VAV1: variants seen among roughly 807,000 people sequenced by gnomAD.
The protein encoded by VAV1 is vav guanine nucleotide exchange factor 1, also known as proto-oncogene vav.
Under a neutral mutation model 128.1 loss-of-function variants are expected in VAV1, and 33 were observed. The observed-to-expected ratio is 0.26, with a 90% CI of 0.20 to 0.34. VAV1 has a LOEUF of 0.34. Ranked by LOEUF, VAV1 falls within the 10% of genes least tolerant of loss-of-function variation. The probability of loss-of-function intolerance (pLI) is 1.00; values close to 1 mark genes in which losing one functional copy is unlikely to be tolerated. For missense variants in VAV1, 715 were observed against 1,093.7 expected (o/e 0.65, Z 4.88); for synonymous variants, 394 against 409.8 (o/e 0.96, Z 0.47).
chr19:6,821,922 G>T lies in VAV1; in HGVS notation c.449+63G>T, dbSNP rs547497960. The T allele has an allele frequency of 2.8e-5, 44 of 1,596,226 alleles. No individual in the cohort carries two copies. The African/African-American group carries it at 4.2e-4, about 15-fold the overall frequency. On this transcript the variant is annotated intron_variant, in intron 4 of 26. Transcript: ENST00000602142. ...GCACCGTCCTGGGGGTGGAGGGTGT[G>T]GGGGGACATGGCCTTGCCCTCCGGG...
At chr19:6,821,507 T>G in intron 2 of VAV1, 115 bp from the exon 3 acceptor site, 1 of 1,243,480 alleles carries the variant, frequency 8.0e-7, no homozygotes, top group Non-Finnish European at 1.2e-6. Context: ...AATCCTGAAT[T>G]AGGCTTCCAA....
At chr19:6,849,612 C>T (rs1279440964) in intron 23 of VAV1, among the ~76,000 whole-genome samples, 8 of 152,096 alleles carry the variant, frequency 5.3e-5, no homozygotes, top group Admixed American at 4.6e-4. Context: ...TGTGCCTGGC[C>T]AATATTATTC....
intron 1 of VAV1, among the ~76,000 whole-genome samples, chr19:6,800,690 C>T (rs918268245): frequency 3.3e-5 from 5 of 151,820 alleles, no homozygotes; most frequent in African/African-American, 4.8e-5. Flanking sequence ...GGCGTGATCT[C>T]GGCTCACTGC....
chr19:6,779,850 A>G lies in VAV1; in HGVS notation c.204+6839A>G, dbSNP rs552776543. 4.2e-5 allele frequency among the ~76,000 whole-genome samples: 6 copies of G among 144,402 alleles called. No homozygotes were observed. In the South Asian group the frequency reaches 6.8e-4, roughly 16 times the overall value. The allele number at this position is 144,402 out of a possible 152,430, so 94.7% of individuals were successfully genotyped here. On this transcript the variant is annotated intron_variant, in intron 1 of 26. Coordinates refer to ENST00000602142, the MANE Select transcript of VAV1 (RefSeq NM_005428.4). ...TAAAAGGCCGGGCACGGTGACTCACACCTGTAATTCCAGCACTTTGGGAGG... is the reference window on the plus strand; with the variant it reads ...TAAAAGGCCGGGCACGGTGACTCACGCCTGTAATTCCAGCACTTTGGGAGG...
At position 6,828,294 on chromosome 19, in the gene VAV1, C is replaced by A; in HGVS notation, c.1023+123C>A. 1 of 1,507,796 alleles carries A rather than the reference C, an allele frequency of 6.6e-7. No homozygotes were observed. The highest frequency in any genetic ancestry group is 9.1e-7 in the Non-Finnish European group (1 of 1,096,942). The allele number at this position is 1,507,796 out of a possible 1,614,324, so 93.4% of individuals were successfully genotyped here. A position where few individuals can be genotyped will look rare whatever the true frequency, so the allele number is the denominator to read the frequency against. On this transcript the variant is annotated intron_variant, in intron 10 of 26. Transcript: ENST00000602142. This position sits in a 1 kb window ranked among gnomAD's most constrained non-coding sequence, Gnocchi z 4.5. ...ACGCTCGGGGATGGGTCACTGGGGT[C>A]ATGTCTCAGCCTCCAGGGTCAGCAG...
chr19:6,811,399 T>G (rs1166233127), intron 1 of VAV1, among the ~76,000 whole-genome samples: 1 of 152,168 alleles, frequency 6.6e-6, no homozygotes, highest in Non-Finnish European at 1.5e-5. Context: ...TGTTCAGGAT[T>G]CAGAGGTGAC....
chr19:6,811,233 A>G (rs1233153888), intron 1 of VAV1, among the ~76,000 whole-genome samples: 1 of 152,002 alleles, frequency 6.6e-6, no homozygotes, highest in Non-Finnish European at 1.5e-5. Context: ...ACAGCATTTC[A>G]CCATGTCGGC....
chr19:6,855,589 A>G (rs1158687048), intron 26 of VAV1, among the ~76,000 whole-genome samples: 1 of 151,954 alleles, frequency 6.6e-6, no homozygotes, highest in African/African-American at 2.4e-5. Flanking sequence ...TAATCTATCC[A>G]TTAATCCACC....
chr19:6,775,314 G>A (rs959886739), intron 1 of VAV1, among the ~76,000 whole-genome samples: 9 of 152,212 alleles, frequency 5.9e-5, no homozygotes, highest in African/African-American at 2.2e-4. Context: ...GCAGCTAATG[G>A]GAAAGTGGAT....
Position 6,822,459 on chromosome 19 carries a change from G to A in VAV1, c.599G>A (p.Arg200Gln), listed in dbSNP as rs866988780. 6.4e-7 allele frequency: 1 copy of A among 1,562,954 alleles called. No homozygotes were observed. ...TEYDKRCCCLREIQQTEEKYT... is the reference protein window; with the variant it reads ...TEYDKRCCCLQEIQQTEEKYT... ...TATGACAAGCGCTGCTGCTGCCTGC[G>A]GGAGATCCAGCAGACGGAGGAGAAG... Residue 200 changes from arginine (R) to glutamine (Q), a missense_variant, in exon 6 of 27, where the codon CGG becomes CAG. Arg to Gln is a conservative substitution (Grantham distance 43). Coordinates refer to ENST00000602142, the MANE Select transcript of VAV1 (RefSeq NM_005428.4). This position sits in a 1 kb window ranked among gnomAD's most constrained non-coding sequence, Gnocchi z 5.9.
rs1164259466 is a variant in VAV1 at position 6,825,424 on chromosome 19, A to G, written c.827+18A>G. The G allele has an allele frequency of 6.2e-7, 1 of 1,600,454 alleles. No homozygotes were observed. Reference sequence around the variant, plus strand: ...AAGGAGAGGTGAGACCCAGCTGGCCAGACTGAAGCTCTGGGGTCACTCTGT... The same window carrying G: ...AAGGAGAGGTGAGACCCAGCTGGCCGGACTGAAGCTCTGGGGTCACTCTGT... On this transcript the variant is annotated intron_variant, in intron 8 of 26. Coordinates refer to ENST00000602142, the MANE Select transcript of VAV1 (RefSeq NM_005428.4).
chr19:6,840,543 C>G (rs394436), intron 21 of VAV1, among the ~76,000 whole-genome samples: 101,735 of 151,802 alleles, frequency 0.67, 38,198 homozygotes, highest in Non-Finnish European at 0.83. Flanking sequence ...TTGTGTTCCT[C>G]CCGCTTCGGC....
intron 1 of VAV1, among the ~76,000 whole-genome samples, chr19:6,807,999 A>AG (rs927336953): frequency 4.0e-5 from 6 of 150,214 alleles, no homozygotes; most frequent in African/African-American, 1.5e-4. Flanking sequence ...CAAAAAAAAA[A>AG]AAAAAAAAAG....
intron 21 of VAV1, among the ~76,000 whole-genome samples, chr19:6,841,485 T>TC (rs1972376685): frequency 1.3e-5 from 2 of 150,884 alleles, no homozygotes; most frequent in South Asian, 2.1e-4. Context: ...TTTCTTTTTT[T>TC]TTTTTTTTGA....
chr19:6,803,496 C>T (rs920468218), intron 1 of VAV1, among the ~76,000 whole-genome samples: 3 of 152,186 alleles, frequency 2.0e-5, no homozygotes, highest in Non-Finnish European at 4.4e-5. Flanking sequence ...CTGAGCCCCA[C>T]CTCCAGAGTC....
At chr19:6,842,542 G>A (rs946307333) in intron 21 of VAV1, among the ~76,000 whole-genome samples, 1 of 152,160 alleles carries the variant, frequency 6.6e-6, no homozygotes, top group Non-Finnish European at 1.5e-5. Context: ...CTTTTGGCTA[G>A]GCGTGGTGGC....
In VAV1 at chr19:6,774,391, G is replaced by A. The variant is rs995188913; in HGVS notation, c.204+1380G>A. The stretch of plus-strand genomic sequence containing the variant: ...GATCCGCCCACCTCGGCCTCCCAAA[G>A]TGCTGGGATTACAGGTGTGAGCCAC... On this transcript the variant is annotated intron_variant, in intron 1 of 26. Coordinates refer to ENST00000602142, the MANE Select transcript of VAV1 (RefSeq NM_005428.4). Among the ~76,000 whole-genome samples, 7 of 145,416 alleles carry A rather than the reference G, an allele frequency of 4.8e-5. No homozygotes were observed. In the Admixed American group the frequency reaches 4.8e-4, roughly 10 times the overall value.
intron 1 of VAV1, among the ~76,000 whole-genome samples, chr19:6,781,112 AG>A (rs1970759222): frequency 6.6e-6 from 1 of 152,038 alleles, no homozygotes; most frequent in Non-Finnish European, 1.5e-5. Flanking sequence ...CATGTTGCCC[AG>A]GCTGGTCTCA....
intron 1 of VAV1, among the ~76,000 whole-genome samples, chr19:6,806,755 G>T (rs891772113): frequency 2.6e-5 from 4 of 152,228 alleles, no homozygotes; most frequent in African/African-American, 7.2e-5. Context: ...TAATTGACTG[G>T]AACTGGGGGT....
Sources: allele counts gnomAD v4.1 joint callset (sites outside exome capture counted in the v4.1 genomes callset), GRCh38; gene constraint gnomAD v4.1.1; non-coding constraint Gnocchi (gnomAD v3.1); transcripts MANE v1.5; gene names NCBI Gene and HGNC (gene_info 2026-07-23, HGNC 2026-07-21).